TG: variants seen among roughly 807,000 people sequenced by gnomAD.
TG encodes the protein thyroid hormones.
Under a neutral mutation model 324.7 loss-of-function variants are expected in TG, and 270 were observed. That is an observed-to-expected ratio of 0.83 (90% confidence interval 0.75 to 0.92). TG has a LOEUF of 0.92. Among genes scored for constraint, TG ranks in the 40% least tolerant of loss-of-function variants. TG has a pLI of 0.00. For missense variants in TG, 3,591 were observed against 3,456.4 expected (o/e 1.04, Z -0.98); for synonymous variants, 1,401 against 1,327.0 (o/e 1.06, Z -1.21).
intron 35 of TG, chr8:132,995,262 G>A: frequency 1.0e-6 from 1 of 977,022 alleles, no homozygotes; most frequent in Non-Finnish European, 1.2e-6. Flanking sequence ...TTTGGGTAAA[G>A]TCCTATGTGT....
chr8:133,094,309 C>T (rs915447348), intron 41 of TG, among the ~76,000 whole-genome samples: 1 of 146,552 alleles, frequency 6.8e-6, no homozygotes, highest in Non-Finnish European at 1.5e-5. Context: ...GGTGCGATCT[C>T]GGTCCACTGC....
chr8:132,880,327 T>C (rs1814474160), intron 5 of TG, among the ~76,000 whole-genome samples: 1 of 152,216 alleles, frequency 6.6e-6, no homozygotes, highest in African/African-American at 2.4e-5. Context: ...AATGAATCAA[T>C]GTGTATTAAA....
At chr8:133,084,662 G>A (rs763645510) in intron 41 of TG, among the ~76,000 whole-genome samples, 1 of 152,232 alleles carries the variant, frequency 6.6e-6, no homozygotes, top group African/African-American at 2.4e-5. Context: ...AATATGACAG[G>A]TGCCTGCTCT....
At chr8:133,119,939 G>A (rs1851008588) in intron 45 of TG, among the ~76,000 whole-genome samples, 1 of 152,226 alleles carries the variant, frequency 6.6e-6, no homozygotes, top group African/African-American at 2.4e-5. Flanking sequence ...CAGGATTCTG[G>A]GAAGGAGGCA....
intron 29 of TG, among the ~76,000 whole-genome samples, chr8:132,964,341 G>A (rs974782529): frequency 2.0e-5 from 3 of 152,092 alleles, no homozygotes; most frequent in Admixed American, 6.5e-5. Flanking sequence ...GAATAGACAA[G>A]GCTCAGCTCA....
intron 41 of TG, among the ~76,000 whole-genome samples, chr8:133,033,663 C>T (rs1320341875): frequency 1.3e-5 from 2 of 152,196 alleles, no homozygotes; most frequent in Non-Finnish European, 2.9e-5. Flanking sequence ...TTCCTCCAGG[C>T]CTTTTTATCT....
intron 41 of TG, among the ~76,000 whole-genome samples, chr8:133,084,599 G>T (rs1394402296): frequency 6.6e-6 from 1 of 152,232 alleles, no homozygotes; most frequent in Non-Finnish European, 1.5e-5. Context: ...TAGGCTTCAT[G>T]TTTGTAACAG....
At chr8:132,883,067 A>G (rs1814895069) in intron 8 of TG, 68 bp downstream of exon 8, 1 of 1,525,092 alleles carries the variant, frequency 6.6e-7, no homozygotes, top group East Asian at 2.4e-5. Context: ...CTCCAGACCA[A>G]CCTCTCTGGA....
chr8:133,017,396 C>T (rs1233425868), intron 37 of TG, among the ~76,000 whole-genome samples: 1 of 151,790 alleles, frequency 6.6e-6, no homozygotes, highest in African/African-American at 2.4e-5. Context: ...GAAATGTTGG[C>T]TGTGTTTAAA....
At chr8:132,919,288 G>T (rs778267942) in intron 20 of TG, 88 bp from the exon 21 acceptor site, 30 of 1,403,614 alleles carry the variant, frequency 2.1e-5, no homozygotes, top group Non-Finnish European at 2.9e-5. Context: ...GAACTGGTTT[G>T]AGGATTTTCT....
intron 5 of TG, among the ~76,000 whole-genome samples, chr8:132,881,482 A>T (rs764859048): frequency 6.6e-6 from 1 of 152,234 alleles, no homozygotes; most frequent in Non-Finnish European, 1.5e-5. Flanking sequence ...TTTGTAAAGC[A>T]GACTTGGCCT....
chr8:133,116,735 G>C lies in TG; in HGVS notation c.7862+19G>C. On this transcript the variant is annotated intron_variant, in intron 45 of 47. Coordinates refer to ENST00000220616, the MANE Select transcript of TG (RefSeq NM_003235.5). The stretch of plus-strand genomic sequence containing the variant: ...ATGGCAGGTAAGACGCTGCAGGGAA[G>C]CAGAGAAAGGAAGGTAAAACCGAAT... The C allele has an allele frequency of 3.7e-6, 6 of 1,605,450 alleles. No individual in the cohort carries two copies. The highest frequency in any genetic ancestry group is 5.1e-6 in the Non-Finnish European group (6 of 1,172,100).
chr8:132,894,680 C>T (rs116871505), intron 11 of TG, among the ~76,000 whole-genome samples: 9,891 of 152,240 alleles, frequency 0.065, 460 homozygotes, highest in Non-Finnish European at 0.1. Context: ...AGGCTGGTCT[C>T]GAACCCGTGA....
At chr8:133,006,403 T>G (rs1161091911) in intron 35 of TG, among the ~76,000 whole-genome samples, 3 of 152,228 alleles carry the variant, frequency 2.0e-5, no homozygotes, top group Non-Finnish European at 4.4e-5. Context: ...ACTTTGGAAT[T>G]CTTGTCACAT....
At chr8:133,010,200 A>G (rs1834382654) in intron 35 of TG, among the ~76,000 whole-genome samples, 1 of 152,140 alleles carries the variant, frequency 6.6e-6, no homozygotes, top group Non-Finnish European at 1.5e-5. Context: ...TTCCAGCTCC[A>G]TGTTCTGAAA....
At chr8:133,096,411 C>T (rs1215472904) in intron 43 of TG, 38 bp downstream of exon 43, 1 of 1,612,774 alleles carries the variant, frequency 6.2e-7, no homozygotes, top group Non-Finnish European at 8.5e-7. Context: ...TCCAGCTGGG[C>T]ATTTCCTAAG....
At chr8:133,066,497 T>C (rs951224279) in intron 41 of TG, among the ~76,000 whole-genome samples, 1 of 152,186 alleles carries the variant, frequency 6.6e-6, no homozygotes, top group African/African-American at 2.4e-5. Context: ...CCAAGGACTC[T>C]CTCTGGGTAG....
chr8:133,023,474 C>T (rs1835737342), intron 40 of TG, among the ~76,000 whole-genome samples: 2 of 151,978 alleles, frequency 1.3e-5, no homozygotes, highest in Non-Finnish European at 2.9e-5. Flanking sequence ...ACATATATGT[C>T]GTGGTAAGAA....
At position 132,996,081 on chromosome 8, in the gene TG, C is replaced by T. The variant is rs1255526675; in HGVS notation, c.6262+12669C>T. On this transcript the variant is annotated intron_variant, in intron 35 of 47. Transcript: ENST00000220616. ...GAGAGGGAGTAGTCTGGATGAAGTCCCTGGCAGTTTGGCTCACCGGTCACA... is the reference window on the plus strand; with the variant it reads ...GAGAGGGAGTAGTCTGGATGAAGTCTCTGGCAGTTTGGCTCACCGGTCACA... Among the ~76,000 whole-genome samples, 5 of 152,126 alleles carry T rather than the reference C, an allele frequency of 3.3e-5. No individual in the cohort carries two copies. In the East Asian group the frequency reaches 9.6e-4, roughly 29 times the overall value.
Sources: gnomAD v4.1 joint callset for allele counts (sites outside exome capture counted in the v4.1 genomes callset) on GRCh38, gnomAD v4.1.1 for gene constraint, MANE v1.5 for transcripts, NCBI Gene and HGNC (gene_info 2026-07-23, HGNC 2026-07-21) for gene names.